Variants in EVA1A observed in about 807,000 individuals in gnomAD.
EVA1A encodes the protein eva-1 homolog A, regulator of programmed cell death.
In EVA1A, 7 loss-of-function variants were observed where a neutral mutation model predicts 9.8. The observed-to-expected ratio is 0.71, with a 90% CI of 0.41 to 1.34. The LOEUF (loss-of-function observed/expected upper bound fraction) is 1.34, where lower values mean the gene tolerates loss of function less well. Ranked by LOEUF, EVA1A falls within the 40% of genes most tolerant of loss-of-function variation. EVA1A has a pLI of 0.01. For missense variants in EVA1A, 206 were observed against 205.9 expected, an observed-to-expected ratio of 1.00 and a Z score of 0.00; for synonymous variants, 90 against 85.6, an observed-to-expected ratio of 1.05 and a Z score of -0.28.
chr2:75,554,168 C>T (rs1676620898), intron 1 of EVA1A, among the ~76,000 whole-genome samples: 1 of 152,172 alleles, frequency 6.6e-6, no homozygotes, highest in Non-Finnish European at 1.5e-5. Context: ...GCAGCTACCA[C>T]CAGCCCCATC....
chr2:75,527,573 C>T (rs1675495904), intron 1 of EVA1A, among the ~76,000 whole-genome samples: 1 of 152,088 alleles, frequency 6.6e-6, no homozygotes, highest in African/African-American at 2.4e-5. Context: ...TTGATGTGAA[C>T]CCTAAGATGA....
intron 1 of EVA1A, among the ~76,000 whole-genome samples, chr2:75,531,522 A>C (rs6723713): frequency 0.3 from 46,126 of 151,474 alleles, 8,777 homozygotes; most frequent in African/African-American, 0.54. Context: ...TGAGTGGATA[A>C]ATAATATGTA....
At position 75,518,143 on chromosome 2, in the gene EVA1A, G is replaced by A; in HGVS notation, c.-3C>T. On this transcript the variant is annotated 5_prime_UTR_variant, in exon 3 of 4. Coordinates refer to ENST00000393913, the MANE Select transcript of EVA1A (RefSeq NM_001135032.2). ...CTGTGGCTGAGGGGCAGCCTCATGGGACATCCAGAGGGGACCTCCTGGAGG... is the reference window on the plus strand; with the variant it reads ...CTGTGGCTGAGGGGCAGCCTCATGGAACATCCAGAGGGGACCTCCTGGAGG... 1.2e-6 allele frequency: 2 copies of A among 1,613,790 alleles called. No homozygotes were observed. The highest frequency in any genetic ancestry group is 8.5e-7 in the Non-Finnish European group (1 of 1,179,846).
chr2:75,523,137 A>G (rs1200176707), intron 1 of EVA1A, among the ~76,000 whole-genome samples: 7 of 152,326 alleles, frequency 4.6e-5, no homozygotes, highest in Middle Eastern at 3.4e-3. Flanking sequence ...ATTCGTCATC[A>G]TCACACCCTT....
At chr2:75,538,404 G>A (rs548103208) in intron 1 of EVA1A, among the ~76,000 whole-genome samples, 1 of 152,178 alleles carries the variant, frequency 6.6e-6, no homozygotes, top group African/African-American at 2.4e-5. Context: ...GAACACTAAA[G>A]TTAAAAAATA....
intron 1 of EVA1A, among the ~76,000 whole-genome samples, chr2:75,533,146 C>CT (rs1400693884): frequency 9.0e-5 from 12 of 133,630 alleles, no homozygotes; most frequent in African/African-American, 3.6e-4. Context: ...GAGACCCTGT[C>CT]TTTAAAAAAA....
At chr2:75,521,575 G>T (rs1226761435) in intron 2 of EVA1A, among the ~76,000 whole-genome samples, 1 of 152,178 alleles carries the variant, frequency 6.6e-6, no homozygotes, top group Non-Finnish European at 1.5e-5. Context: ...CAGTCAAAAA[G>T]GACAGGTATT....
At chr2:75,535,303 A>AAAAAAAT (rs1675839936) in intron 1 of EVA1A, among the ~76,000 whole-genome samples, 1 of 151,422 alleles carries the variant, frequency 6.6e-6, no homozygotes, top group African/African-American at 2.4e-5. Flanking sequence ...GGCAAAAAAA[A>AAAAAAAT]AAAAAAAAAG....
At chr2:75,541,870 A>C (rs1351847447) in intron 1 of EVA1A, 2 of 152,086 alleles carry the variant, frequency 1.3e-5, no homozygotes, top group Non-Finnish European at 2.9e-5. Flanking sequence ...TCACTCCTCT[A>C]ATTCAGAAAT....
intron 2 of EVA1A, among the ~76,000 whole-genome samples, chr2:75,520,183 A>G (rs1433635286): frequency 6.6e-6 from 1 of 152,124 alleles, no homozygotes. Flanking sequence ...AAGTAGAGCA[A>G]GCTCTTTCAC....
At chr2:75,517,485 A>T (rs186953613) in intron 3 of EVA1A, among the ~76,000 whole-genome samples, 31 of 152,308 alleles carry the variant, frequency 2.0e-4, no homozygotes, top group Admixed American at 1.6e-3. Flanking sequence ...GTTTTCAAGA[A>T]ATGATCTTGA....
At chr2:75,565,504 T>G (rs1677009604), upstream of EVA1A, among the ~76,000 whole-genome samples, 1 of 152,152 alleles carries the variant, frequency 6.6e-6, no homozygotes, top group African/African-American at 2.4e-5. Flanking sequence ...CTGCCGTAAG[T>G]GACTGAAATC....
At chr2:75,499,699 T>C (rs1674340467) in intron 3 of EVA1A, among the ~76,000 whole-genome samples, 1 of 152,140 alleles carries the variant, frequency 6.6e-6, no homozygotes, top group Admixed American at 6.5e-5. Flanking sequence ...TTTCTGCCAC[T>C]AGTTGCATCA....
At chr2:75,510,495 G>A (rs999546514) in intron 3 of EVA1A, among the ~76,000 whole-genome samples, 1 of 152,102 alleles carries the variant, frequency 6.6e-6, no homozygotes, top group Non-Finnish European at 1.5e-5. Context: ...ATTAAGTTGT[G>A]GGGGGTGAGG....
intron 3 of EVA1A, among the ~76,000 whole-genome samples, chr2:75,504,360 G>A (rs1674535072): frequency 6.6e-6 from 1 of 152,114 alleles, no homozygotes; most frequent in South Asian, 2.1e-4. Flanking sequence ...GCAGTGAGAT[G>A]AGATCGCACC....
At chr2:75,541,467 A>G (rs969492895) in intron 1 of EVA1A, among the ~76,000 whole-genome samples, 4 of 152,196 alleles carry the variant, frequency 2.6e-5, no homozygotes, top group Admixed American at 6.5e-5. Flanking sequence ...AGATCAGTCC[A>G]TCAGAATTGA....
At chr2:75,501,023 A>C (rs1299816252) in intron 3 of EVA1A, among the ~76,000 whole-genome samples, 2 of 148,710 alleles carry the variant, frequency 1.3e-5, no homozygotes, top group African/African-American at 5.1e-5. Flanking sequence ...TATTACTTTT[A>C]CAAAAAAAAA....
intron 2 of EVA1A, among the ~76,000 whole-genome samples, chr2:75,521,950 C>G (rs1437004263): frequency 6.6e-6 from 1 of 152,066 alleles, no homozygotes; most frequent in African/African-American, 2.4e-5. Flanking sequence ...AGAATGATGG[C>G]AGAGTTATCT....
chr2:75,537,914 G>C (rs1186902635), intron 1 of EVA1A, among the ~76,000 whole-genome samples: 1 of 152,228 alleles, frequency 6.6e-6, no homozygotes, highest in Non-Finnish European at 1.5e-5. Flanking sequence ...TCTGCAGAAT[G>C]ATGAGCCAAA....
Sources: allele counts gnomAD v4.1 joint callset (sites outside exome capture counted in the v4.1 genomes callset), GRCh38; gene constraint gnomAD v4.1.1; transcripts MANE v1.5; gene names NCBI Gene and HGNC (gene_info 2026-07-23, HGNC 2026-07-21).